Variants in WBP1L observed in about 807,000 individuals in gnomAD.
WBP1L encodes the protein WW domain binding protein 1 like, also known as WW domain binding protein 1-like.
A neutral mutation model predicts 33.7 loss-of-function variants in WBP1L; 17 were observed. That is an observed-to-expected ratio of 0.50 (90% CI 0.34 to 0.76). The LOEUF (loss-of-function observed/expected upper bound fraction) is 0.76. Among genes scored for constraint, WBP1L ranks in the 30% least tolerant of loss-of-function variants. The pLI, the probability that WBP1L is intolerant of heterozygous loss-of-function variation, is 0.01. For missense variants in WBP1L, 389 were observed against 469.4 expected (o/e 0.83, Z 1.58); for synonymous variants, 173 against 190.8 (o/e 0.91, Z 0.77).
chr10:102,780,404 A>G (rs1843320342), intron 1 of WBP1L, among the ~76,000 whole-genome samples: 1 of 152,232 alleles, frequency 6.6e-6, no homozygotes, highest in African/African-American at 2.4e-5. Context: ...CATTATGTGT[A>G]CCTAACAAAG....
At chr10:102,807,874 G>A (rs1415128962) in intron 2 of WBP1L, among the ~76,000 whole-genome samples, 1 of 151,190 alleles carries the variant, frequency 6.6e-6, no homozygotes, top group Non-Finnish European at 1.5e-5. Context: ...AAAAAAAAAA[G>A]CTAGCCAAAG....
intron 1 of WBP1L, among the ~76,000 whole-genome samples, chr10:102,793,844 C>A (rs1843535894): frequency 6.6e-6 from 1 of 152,004 alleles, no homozygotes; most frequent in Non-Finnish European, 1.5e-5. Flanking sequence ...TCATGGCTTG[C>A]TGCAGCCTCA....
At chr10:102,774,194 G>A (rs1564759636) in intron 1 of WBP1L, among the ~76,000 whole-genome samples, 2 of 152,120 alleles carry the variant, frequency 1.3e-5, no homozygotes, top group Non-Finnish European at 2.9e-5. Flanking sequence ...GGGAACCGAG[G>A]AAGTGAAAGG....
chr10:102,754,623 C>T (rs930429004), intron 1 of WBP1L, among the ~76,000 whole-genome samples: 2 of 151,986 alleles, frequency 1.3e-5, no homozygotes, highest in African/African-American at 4.8e-5. Context: ...GTCTCGAACT[C>T]CTGACGTAAT....
chr10:102,778,092 A>T (rs1196276058), intron 1 of WBP1L, among the ~76,000 whole-genome samples: 1 of 152,190 alleles, frequency 6.6e-6, no homozygotes, highest in African/African-American at 2.4e-5. Flanking sequence ...TCTGAACCTC[A>T]TCTCTGAGGT....
intron 1 of WBP1L, among the ~76,000 whole-genome samples, chr10:102,747,259 C>G (rs1842873826): frequency 6.7e-6 from 1 of 149,310 alleles, no homozygotes; most frequent in South Asian, 2.1e-4. Context: ...ACTCGGGAGG[C>G]TGAGGCAGAA....
intron 1 of WBP1L, among the ~76,000 whole-genome samples, chr10:102,786,068 C>G (rs760496498): frequency 6.6e-6 from 1 of 152,200 alleles, no homozygotes; most frequent in Non-Finnish European, 1.5e-5. Flanking sequence ...CTAATAGCAA[C>G]ACAGGAAATG....
intron 1 of WBP1L, among the ~76,000 whole-genome samples, chr10:102,788,639 A>G (rs1160865737): frequency 6.6e-6 from 1 of 152,148 alleles, no homozygotes; most frequent in Non-Finnish European, 1.5e-5. Context: ...AAACTGCGTT[A>G]TCCTTTAGCT....
At chr10:102,763,923 C>T (rs2134033649) in intron 1 of WBP1L, among the ~76,000 whole-genome samples, 1 of 152,326 alleles carries the variant, frequency 6.6e-6, no homozygotes, top group South Asian at 2.1e-4. Context: ...CAGCAATTCT[C>T]ATGCCTCAGC....
intron 2 of WBP1L, among the ~76,000 whole-genome samples, chr10:102,806,189 G>A (rs375211148): frequency 2.0e-5 from 3 of 151,258 alleles, no homozygotes; most frequent in South Asian, 2.1e-4. Flanking sequence ...CAGCCTAAGC[G>A]ACAGAATGAG....
At chr10:102,768,690 G>GTT (rs1249703194) in intron 1 of WBP1L, among the ~76,000 whole-genome samples, 1 of 11,844 alleles carries the variant, frequency 8.4e-5, no homozygotes, top group Non-Finnish European at 1.6e-4. Flanking sequence ...CGCCCGGCCA[G>GTT]TTTTTTTTTT....
intron 1 of WBP1L, among the ~76,000 whole-genome samples, chr10:102,780,851 T>G (rs1330818676): frequency 6.6e-6 from 1 of 152,184 alleles, no homozygotes; most frequent in African/African-American, 2.4e-5. Context: ...AAGTTCTAGT[T>G]GATGGAATGC....
intron 2 of WBP1L, among the ~76,000 whole-genome samples, chr10:102,802,962 A>T (rs1422727067): frequency 6.6e-6 from 1 of 152,240 alleles, no homozygotes; most frequent in Non-Finnish European, 1.5e-5. Context: ...ATATTAACTC[A>T]TTTAGTCCTC....
intron 1 of WBP1L, among the ~76,000 whole-genome samples, chr10:102,795,441 A>G (rs879915339): frequency 6.6e-6 from 1 of 152,218 alleles, no homozygotes. Context: ...TCCCTGGGAA[A>G]GCGGAGGCAG....
chr10:102,748,244 C>T (rs1379789816), intron 1 of WBP1L, among the ~76,000 whole-genome samples: 3 of 150,830 alleles, frequency 2.0e-5, no homozygotes, highest in African/African-American at 4.9e-5. Flanking sequence ...GGCAACAGAG[C>T]GAGACTCCGT....
chr10:102,783,040 T>A (rs1031511859), intron 1 of WBP1L, among the ~76,000 whole-genome samples: 3 of 152,184 alleles, frequency 2.0e-5, no homozygotes, highest in Non-Finnish European at 4.4e-5. Flanking sequence ...GGGTGTGAAA[T>A]CCCTGGTTAC....
At chr10:102,798,146 C>A in intron 2 of WBP1L, 51 bp downstream of exon 2, 1 of 1,511,612 alleles carries the variant, frequency 6.6e-7, no homozygotes, top group Non-Finnish European at 9.2e-7. Flanking sequence ...CAGTTACTGC[C>A]TCTGCTTAGT....
chr10:102,812,824 C>A lies in WBP1L; in HGVS notation c.585C>A (p.Ile195=). Residue 195 remains isoleucine (I), a synonymous_variant, in exon 4 of 4, where the codon ATC becomes ATA. Transcript: ENST00000448841. ...GAAGCAGCACAAGACCCCCAAGCAT[C>A]GCTGACCCTGATCCCTCTGACCTAC... ...PSRSSTRPPS[I]ADPDPSDLPV... 6.3e-7 allele frequency: 1 copy of A among 1,593,108 alleles called. No homozygotes were observed. Among genetic ancestry groups the A allele is most frequent in the South Asian group, 1.1e-5 (1 of 88,158 alleles).
intron 1 of WBP1L, among the ~76,000 whole-genome samples, chr10:102,785,413 T>A (rs1188100659): frequency 1.4e-5 from 2 of 143,196 alleles, no homozygotes; most frequent in African/African-American, 5.2e-5. Flanking sequence ...GGTCTCGAAC[T>A]CCTGATCTCA....
Sources: gnomAD v4.1 joint callset for allele counts (sites outside exome capture counted in the v4.1 genomes callset) on GRCh38, gnomAD v4.1.1 for gene constraint, MANE v1.5 for transcripts, NCBI Gene and HGNC (gene_info 2026-07-23, HGNC 2026-07-21) for gene names.